Variants in ZNF668 observed in about 807,000 individuals in gnomAD.
The protein encoded by ZNF668 is zinc finger protein 668.
In ZNF668, 10 loss-of-function variants were observed where a neutral mutation model predicts 40.3. The ratio of observed to expected loss-of-function variants is 0.25; its 90% CI spans 0.15 to 0.42. The LOEUF is 0.42. Ranked by LOEUF, ZNF668 falls within the 10% of genes least tolerant of loss-of-function variation. The probability of loss-of-function intolerance (pLI) is 1.00; values close to 1 mark genes in which losing one functional copy is unlikely to be tolerated. For missense variants in ZNF668, 749 were observed against 904.6 expected (o/e 0.83, Z 2.21); for synonymous variants, 428 against 384.6 (o/e 1.11, Z -1.32).
intron 1 of ZNF668, chr16:31,065,584 T>G (rs1282326661): frequency 6.6e-6 from 1 of 152,354 alleles, no homozygotes; most frequent in Non-Finnish European, 1.5e-5. Flanking sequence ...CTGGGCGTGG[T>G]GGCTCACGCC....
intron 2 of ZNF668, 107 bp from the exon 3 acceptor site, chr16:31,062,387 A>T: frequency 6.9e-7 from 1 of 1,440,268 alleles, no homozygotes; most frequent in Non-Finnish European, 9.2e-7. Context: ...GTGGGGGCCT[A>T]GGCTTAATCC....
rs555763581 is a variant in ZNF668, at chr16:31,073,988, G to A, written c.-352C>T. 4 of 152,380 alleles carry A rather than the reference G, an allele frequency of 2.6e-5. No homozygotes were observed. Among genetic ancestry groups the A allele is most frequent in the South Asian group, 2.1e-4 (1 of 4,826 alleles). The allele number at this position is 152,380 out of a possible 1,614,324, so 9.4% of individuals were successfully genotyped here. A position where few individuals can be genotyped will look rare whatever the true frequency, so the allele number is the denominator to read the frequency against. On this transcript the variant is annotated 5_prime_UTR_variant, in exon 1 of 3. Coordinates refer to ENST00000300849, the MANE Select transcript of ZNF668 (RefSeq NM_024706.5). ...CGGCAATGTCTTCAAGAACCAGAAGGTGGGAGGACAAAAAGGCCATGCTCA... is the reference window on the plus strand; with the variant it reads ...CGGCAATGTCTTCAAGAACCAGAAGATGGGAGGACAAAAAGGCCATGCTCA...
At position 31,062,267 on chromosome 16, in the gene ZNF668, C is replaced by T; in HGVS notation, c.661G>A (p.Glu221Lys). 3.7e-6 allele frequency: 6 copies of T among 1,603,458 alleles called. No individual in the cohort carries two copies. The highest frequency in any genetic ancestry group is 5.1e-6 in the Non-Finnish European group (6 of 1,174,932). ...CACTCGGAGCAGAGGAAGGGGCGCT[C>T]GCCGGTGTGGGACCTGCGGGGGTGT... is the stretch of plus-strand genomic sequence containing the variant. ...LRNHERSHTG[E>K]RPFLCSECGK... The change falls in exon 3 of 3, where the codon GAG becomes AAG. Residue 221 changes from glutamate (E) to lysine (K), a missense_variant. This residue lies in a region of ZNF668 where 129 missense variants were observed against 231.2 expected (regional missense o/e 0.56). Transcript: ENST00000300849.
intron 2 of ZNF668, 89 bp downstream of exon 2, chr16:31,063,724 T>A (rs946587316): frequency 1.5e-6 from 2 of 1,375,810 alleles, no homozygotes. Flanking sequence ...TGGCTCACTT[T>A]ACCCTGAGAC....
At chr16:31,071,302 G>A (rs1184824404) in intron 1 of ZNF668, among the ~76,000 whole-genome samples, 1 of 152,078 alleles carries the variant, frequency 6.6e-6, no homozygotes, top group Non-Finnish European at 1.5e-5. Context: ...GAGTAGCTGG[G>A]ACTACAGGCG....
In ZNF668 at chr16:31,063,765, G is replaced by A. The variant is rs770251953; in HGVS notation, c.647+48C>T. 2.9e-5 allele frequency: 42 copies of A among 1,473,262 alleles called. No individual in the cohort carries two copies. The East Asian group carries it at 9.8e-4, about 34-fold the overall frequency. The allele number at this position is 1,473,262 out of a possible 1,614,324, so 91.3% of individuals were successfully genotyped here. On this transcript the variant is annotated intron_variant, in intron 2 of 2. Coordinates refer to ENST00000300849, the MANE Select transcript of ZNF668 (RefSeq NM_024706.5). The stretch of plus-strand genomic sequence containing the variant: ...CCCAGGCCCCATTGGCTGCAGCAAC[G>A]CTGTCGCCCTGCCCCGGAAGGCGCC...
At chr16:31,068,348 G>T (rs2056993487) in intron 1 of ZNF668, among the ~76,000 whole-genome samples, 1 of 146,758 alleles carries the variant, frequency 6.8e-6, no homozygotes, top group Non-Finnish European at 1.5e-5. Flanking sequence ...TCCGCCTCCT[G>T]AGTAGCTGGG....
intron 1 of ZNF668, chr16:31,066,413 C>T: frequency 1.0e-6 from 1 of 980,458 alleles, no homozygotes; most frequent in African/African-American, 1.7e-5. Context: ...AGGGCTTAGC[C>T]AGGTGTGGTG....
At chr16:31,062,441 G>T in intron 2 of ZNF668, 161 bp from the exon 3 acceptor site, 2 of 1,045,080 alleles carry the variant, frequency 1.9e-6, no homozygotes, top group Non-Finnish European at 2.7e-6. Flanking sequence ...AAGCCTTCAG[G>T]CTGGCTGGGT....
Position 31,061,671 on chromosome 16 carries a change from G to T in ZNF668, c.1257C>A (p.Ala419=), listed in dbSNP as rs149874277. Residue 419 remains alanine (A), a synonymous_variant, in exon 3 of 3, where the codon GCC becomes GCA. Transcript: ENST00000300849. This position sits in a 1 kb window ranked among gnomAD's most constrained non-coding sequence, Gnocchi z 7.7. ...GCTCCTGTGCAGGGGGCACACCCGC[G>T]GCCTCACTGCTTCGATGGGTCCGCT... ...KHERTHRSSE[A]AGVPPAQELV... 1.9e-6 allele frequency: 3 copies of T among 1,613,296 alleles called. No individual in the cohort carries two copies. The highest frequency in any genetic ancestry group is 2.5e-6 in the Non-Finnish European group (3 of 1,179,900).
intron 1 of ZNF668, chr16:31,066,227 A>G: frequency 1.0e-6 from 1 of 985,378 alleles, no homozygotes; most frequent in Non-Finnish European, 1.2e-6. Flanking sequence ...CATGGCTTCC[A>G]CCACACCATG....
In ZNF668 at chr16:31,061,596, G is replaced by C; in HGVS notation, c.1332C>G (p.Ala444=). 1.2e-6 allele frequency: 2 copies of C among 1,609,342 alleles called. No homozygotes were observed. The highest frequency in any genetic ancestry group is 1.7e-6 in the Non-Finnish European group (2 of 1,179,764). The change falls in exon 3 of 3, where the codon GCC becomes GCG. Residue 444 remains alanine (A), a synonymous_variant. Transcript: ENST00000300849. The surrounding 1 kb of genome is among the most constrained non-coding windows in gnomAD (Gnocchi z 7.7). The part of the protein sequence containing the change: ...LPVGVAGESS[A]APAAGAGLGD... ...CCAGCCCCGCCCCTGCTGCCGGGGC[G>C]GCTGAACTCTCACCTGCCACGCCCA...
In ZNF668 at chr16:31,061,386, G is replaced by C. The variant is rs1224311414; in HGVS notation, c.1542C>G (p.Pro514=). 1 of 1,613,716 alleles carries C rather than the reference G, an allele frequency of 6.2e-7. No individual in the cohort carries two copies. ...AGGEEADEKP[P]QFVCRECKET... ...CCTTGCACTCTCGGCACACAAACTGGGGGGGCTTCTCGTCAGCCTCCTCAC... is the reference window on the plus strand; with the variant it reads ...CCTTGCACTCTCGGCACACAAACTGCGGGGGCTTCTCGTCAGCCTCCTCAC... The change falls in exon 3 of 3, where the codon CCC becomes CCG. Residue 514 remains proline (P), a synonymous_variant. Transcript: ENST00000300849. The surrounding 1 kb of genome is among the most constrained non-coding windows in gnomAD (Gnocchi z 7.7).
intron 1 of ZNF668, among the ~76,000 whole-genome samples, chr16:31,069,942 T>C (rs1464254169): frequency 6.6e-6 from 1 of 151,494 alleles, no homozygotes; most frequent in Non-Finnish European, 1.5e-5. Flanking sequence ...GCCCGGCTAA[T>C]TTTTTGTATT....
Position 31,062,208 on chromosome 16 carries a change from C to G in ZNF668, c.720G>C (p.Thr240=). Residue 240 remains threonine, a synonymous_variant, in exon 3 of 3, where the codon ACG becomes ACC. Transcript: ENST00000300849. Reference sequence around the variant, plus strand: ...GTGCCGCGTGGATGCGCTGGTGGCACGTGAGCGAGGATGAGCGGGAGAAGC... The same window carrying G: ...GTGCCGCGTGGATGCGCTGGTGGCAGGTGAGCGAGGATGAGCGGGAGAAGC... ...GKSFSRSSSL[T]CHQRIHAAQK... is the part of the protein sequence containing the mutation. The G allele has an allele frequency of 6.2e-7, 1 of 1,613,576 alleles. No homozygotes were observed. Among genetic ancestry groups the G allele is most frequent in the Non-Finnish European group, 8.5e-7 (1 of 1,179,772 alleles).
chr16:31,062,312 C>A, intron 2 of ZNF668, 32 bp from the exon 3 acceptor site: 1 of 1,563,530 alleles, frequency 6.4e-7, no homozygotes, highest in Non-Finnish European at 8.6e-7. Flanking sequence ...GGCATGAAGG[C>A]GACAGACCCA....
At chr16:31,064,841 A>T in intron 1 of ZNF668, 4 of 1,445,068 alleles carry the variant, frequency 2.8e-6, no homozygotes, top group Non-Finnish European at 2.7e-6. Flanking sequence ...CTATGCCAGG[A>T]TAAAGAGTGT....
intron 1 of ZNF668, among the ~76,000 whole-genome samples, chr16:31,068,239 A>AAAAAAAAAATATATATATATAT (rs1473353128): frequency 1.2e-5 from 1 of 82,994 alleles, no homozygotes; most frequent in African/African-American, 5.0e-5. Context: ...AAAAAAAAAA[A>AAAAAAAAAATATATATATATAT]ATATATATAT....
chr16:31,066,803 C>T (rs761549516), intron 1 of ZNF668, among the ~76,000 whole-genome samples: 7 of 152,148 alleles, frequency 4.6e-5, no homozygotes, highest in Admixed American at 2.0e-4. Flanking sequence ...CTACAGTTTC[C>T]AAGGGATCCC....
Sources: gnomAD v4.1 joint callset for allele counts (sites outside exome capture counted in the v4.1 genomes callset) on GRCh38, gnomAD v4.1.1 for gene constraint, gnomAD v4.1.1 regional missense constraint, Gnocchi (gnomAD v3.1) non-coding constraint, MANE v1.5 for transcripts, NCBI Gene and HGNC (gene_info 2026-07-23, HGNC 2026-07-21) for gene names.